The following OR3A2 variants were observed in gnomAD, a reference collection of about 807,000 sequenced individuals.
OR3A2 encodes olfactory receptor 3A2.
For missense variants in OR3A2, 318 were observed against 392.8 expected, an observed-to-expected ratio of 0.81 and a Z score of 1.61; for synonymous variants, 126 against 159.3, an observed-to-expected ratio of 0.79 and a Z score of 1.57.
chr17:3,331,998 C>T (rs2049239115), intron 3 of OR3A2, among the ~76,000 whole-genome samples: 1 of 152,012 alleles, frequency 6.6e-6, no homozygotes, highest in South Asian at 2.1e-4. Context: ...TGTGCCCCTG[C>T]TGGGGGGTGC....
chr17:3,331,273 T>C (rs1412836336), intron 3 of OR3A2, among the ~76,000 whole-genome samples: 2 of 152,110 alleles, frequency 1.3e-5, no homozygotes, highest in African/African-American at 4.8e-5. Flanking sequence ...CCTTGCTAGA[T>C]TGGGGAAGTT....
chr17:3,380,796 C>T (rs910031841), intron 2 of OR3A2, among the ~76,000 whole-genome samples: 28 of 152,094 alleles, frequency 1.8e-4, no homozygotes, highest in Non-Finnish European at 3.2e-4. Context: ...GGCCTGAGAG[C>T]GTGGGGGCCA....
At chr17:3,356,941 G>A (rs1217497204) in intron 2 of OR3A2, among the ~76,000 whole-genome samples, 1 of 151,594 alleles carries the variant, frequency 6.6e-6, no homozygotes, top group Non-Finnish European at 1.5e-5. Flanking sequence ...TAAGGGCCAT[G>A]ATTTCAAGTG....
At chr17:3,361,681 T>C (rs2049518073) in intron 2 of OR3A2, among the ~76,000 whole-genome samples, 1 of 151,724 alleles carries the variant, frequency 6.6e-6, no homozygotes, top group African/African-American at 2.4e-5. Context: ...AATCATGTGG[T>C]TTTTGTTTTT....
At chr17:3,353,785 A>G (rs1295203022) in intron 2 of OR3A2, among the ~76,000 whole-genome samples, 5 of 151,840 alleles carry the variant, frequency 3.3e-5, no homozygotes, top group Admixed American at 3.3e-4. Context: ...TAGGGTGTCC[A>G]TCACCTCAAG....
intron 2 of OR3A2, among the ~76,000 whole-genome samples, chr17:3,359,719 C>T (rs951339437): frequency 6.6e-6 from 1 of 151,554 alleles, no homozygotes; most frequent in Non-Finnish European, 1.5e-5. Context: ...TGGTTTCCAG[C>T]TTCATCCATG....
chr17:3,374,813 A>G (rs1052016308), intron 2 of OR3A2, among the ~76,000 whole-genome samples: 5 of 152,120 alleles, frequency 3.3e-5, no homozygotes, highest in African/African-American at 1.2e-4. Context: ...TCATCACTCA[A>G]ACACTATACA....
chr17:3,294,474 C>A (rs569141352), intron 3 of OR3A2, among the ~76,000 whole-genome samples: 2 of 152,056 alleles, frequency 1.3e-5, no homozygotes, highest in East Asian at 3.9e-4. Flanking sequence ...TATGTACATT[C>A]GAGTTACCAA....
intron 2 of OR3A2, among the ~76,000 whole-genome samples, chr17:3,360,668 A>G (rs1011863224): frequency 6.6e-6 from 1 of 151,740 alleles, no homozygotes; most frequent in Non-Finnish European, 1.5e-5. Context: ...CATTTGTTAA[A>G]TAGGGAATCC....
chr17:3,304,933 A>G (rs545928559), intron 3 of OR3A2, among the ~76,000 whole-genome samples: 1 of 152,364 alleles, frequency 6.6e-6, no homozygotes, highest in Admixed American at 6.5e-5. Context: ...CCACTTATAT[A>G]AAGTTTTAGA....
chr17:3,370,331 T>G (rs1028567302), intron 2 of OR3A2, among the ~76,000 whole-genome samples: 1 of 152,240 alleles, frequency 6.6e-6, no homozygotes, highest in African/African-American at 2.4e-5. Context: ...CACAGTAGCC[T>G]TGAATGATCT....
chr17:3,334,797 T>C (rs375664107), intron 3 of OR3A2, among the ~76,000 whole-genome samples: 92 of 152,364 alleles, frequency 6.0e-4, no homozygotes, highest in African/African-American at 2.1e-3. Flanking sequence ...AAGAGTGTCA[T>C]AGGCTTTTAA....
chr17:3,321,507 G>C (rs1184862457), intron 3 of OR3A2, among the ~76,000 whole-genome samples: 1 of 151,904 alleles, frequency 6.6e-6, no homozygotes, highest in Non-Finnish European at 1.5e-5. Flanking sequence ...TATGATATTG[G>C]CTGTGGGTTT....
chr17:3,330,458 A>G (rs1397096712), intron 3 of OR3A2, among the ~76,000 whole-genome samples: 1 of 151,894 alleles, frequency 6.6e-6, no homozygotes, highest in Non-Finnish European at 1.5e-5. Flanking sequence ...TCCCTTTACC[A>G]TTATGTAATG....
intron 1 of OR3A2, among the ~76,000 whole-genome samples, chr17:3,282,331 G>C (rs543878624): frequency 6.6e-6 from 1 of 152,192 alleles, no homozygotes; most frequent in Non-Finnish European, 1.5e-5. Flanking sequence ...ACTTGAACCC[G>C]GGAGGCGGAG....
At chr17:3,332,386 G>A (rs554204642) in intron 3 of OR3A2, among the ~76,000 whole-genome samples, 11 of 152,326 alleles carry the variant, frequency 7.2e-5, no homozygotes, top group South Asian at 4.1e-4. Context: ...AGGACCCTCC[G>A]AGCCAGGTGC....
chr17:3,291,607 CAG>C, intron 3 of OR3A2: 1 of 1,531,894 alleles, frequency 6.5e-7, no homozygotes. Context: ...GTACAAGACA[CAG>C]GGAGAAAGGG....
At chr17:3,358,224 C>A (rs1211114561) in intron 2 of OR3A2, among the ~76,000 whole-genome samples, 1 of 151,740 alleles carries the variant, frequency 6.6e-6, no homozygotes, top group East Asian at 1.9e-4. Context: ...AATGGTGAAT[C>A]TGATTAAAGA....
At chr17:3,351,798 G>T (rs2049422280) in intron 2 of OR3A2, among the ~76,000 whole-genome samples, 1 of 152,136 alleles carries the variant, frequency 6.6e-6, no homozygotes, top group African/African-American at 2.4e-5. Context: ...CAAGGCTACA[G>T]TAACCAAGAC....
Sources: gnomAD v4.1 joint callset for allele counts (sites outside exome capture counted in the v4.1 genomes callset) on GRCh38, gnomAD v4.1.1 for gene constraint, MANE v1.5 for transcripts, NCBI Gene and HGNC (gene_info 2026-07-23, HGNC 2026-07-21) for gene names.